Variants in EXOC2 observed in about 807,000 individuals in gnomAD.
EXOC2 encodes the protein exocyst complex component 2.
Under a neutral mutation model 131.8 loss-of-function variants are expected in EXOC2, and 70 were observed. The observed-to-expected ratio is 0.53, with a 90% CI of 0.44 to 0.65. EXOC2 has a LOEUF of 0.65. Among genes scored for constraint, EXOC2 ranks in the 30% least tolerant of loss-of-function variants. The pLI, the probability that EXOC2 is intolerant of heterozygous loss-of-function variation, is 0.00. For synonymous variants in EXOC2, 411 were observed against 398.4 expected, an observed-to-expected ratio of 1.03 and a Z score of -0.38; for missense variants, 923 against 1,108.6, an observed-to-expected ratio of 0.83 and a Z score of 2.38.
chr6:587,620 C>T (rs972759005), intron 11 of EXOC2, among the ~76,000 whole-genome samples: 7 of 152,146 alleles, frequency 4.6e-5, no homozygotes, highest in South Asian at 2.1e-4. Flanking sequence ...AGAAAAACAC[C>T]GACATGCAAA....
chr6:499,845 T>C lies in EXOC2; in HGVS notation c.2381-145A>G, dbSNP rs548139614. 1.9e-4 allele frequency: 118 copies of C among 637,088 alleles called. 1 individual carries two copies. The East Asian group carries it at 3.1e-3, about 17-fold the overall frequency. 39.5% of individuals were successfully genotyped at this position (637,088 alleles called of 1,614,324 possible). A position where few individuals can be genotyped will look rare whatever the true frequency, so the allele number is the denominator to read the frequency against. On this transcript the variant is annotated intron_variant, in intron 23 of 27. Coordinates refer to ENST00000230449, the MANE Select transcript of EXOC2 (RefSeq NM_018303.6). ...CCACTATTTCCTTTTGAGAATCAAA[T>C]GGTGAAAGGAGTATTTCCATACAGG...
chr6:523,349 C>T (rs1176358742), intron 23 of EXOC2, among the ~76,000 whole-genome samples: 3 of 152,240 alleles, frequency 2.0e-5, no homozygotes, highest in East Asian at 1.9e-4. Context: ...CCACCTCCTA[C>T]GCACAGAACT....
intron 17 of EXOC2, among the ~76,000 whole-genome samples, chr6:558,154 G>A (rs1757522068): frequency 1.3e-5 from 2 of 152,136 alleles, no homozygotes; most frequent in Admixed American, 1.3e-4. Context: ...AAGAAAGGAA[G>A]TGACATCTAT....
chr6:501,740 T>C (rs1489054595), intron 23 of EXOC2, among the ~76,000 whole-genome samples: 1 of 142,310 alleles, frequency 7.0e-6, no homozygotes, highest in African/African-American at 2.6e-5. Context: ...GTATATATAT[T>C]GGCTCCTCAA....
At chr6:565,531 G>A (rs1187785237) in intron 13 of EXOC2, among the ~76,000 whole-genome samples, 1 of 152,072 alleles carries the variant, frequency 6.6e-6, no homozygotes, top group African/African-American at 2.4e-5. Context: ...TGTTCAGTTG[G>A]ATTTCAGAGA....
chr6:488,225 T>G (rs1002667279), intron 27 of EXOC2, among the ~76,000 whole-genome samples: 3 of 152,200 alleles, frequency 2.0e-5, no homozygotes, highest in Non-Finnish European at 2.9e-5. Context: ...GCCTATGTGA[T>G]CTCTCTGCCC....
chr6:488,324 G>A lies in EXOC2; in HGVS notation c.2681+655C>T, dbSNP rs568786210. Reference sequence around the variant, plus strand: ...CTATGGGCCCGGCAGCCACGTGCAGGGCGGGTGGTGAAGGAATGAAGACTG... The same window carrying A: ...CTATGGGCCCGGCAGCCACGTGCAGAGCGGGTGGTGAAGGAATGAAGACTG... On this transcript the variant is annotated intron_variant, in intron 27 of 27. Coordinates refer to ENST00000230449, the MANE Select transcript of EXOC2 (RefSeq NM_018303.6). Among the ~76,000 whole-genome samples, 92 of 152,368 alleles carry A rather than the reference G, an allele frequency of 6.0e-4. 2 individuals are homozygous for A. Among genetic ancestry groups the A allele is most frequent in the South Asian group, 3.7e-3 (18 of 4,830 alleles).
Position 673,708 on chromosome 6 carries a change from T to C in EXOC2, c.-44+19311A>G, listed in dbSNP as rs1763981503. Among the ~76,000 whole-genome samples, 3 of 152,184 alleles carry C rather than the reference T, an allele frequency of 2.0e-5. No individual in the cohort carries two copies. In the South Asian group the frequency reaches 6.2e-4, roughly 32 times the overall value. ...TCAAAACTCAAAAAATATATAACTTTTTACTATTTTGGCAGGGATCTCTCT... is the reference window on the plus strand; with the variant it reads ...TCAAAACTCAAAAAATATATAACTTCTTACTATTTTGGCAGGGATCTCTCT... On this transcript the variant is annotated intron_variant, in intron 1 of 27. Transcript: ENST00000230449.
At chr6:657,985 T>C (rs1391244306) in intron 1 of EXOC2, among the ~76,000 whole-genome samples, 2 of 152,238 alleles carry the variant, frequency 1.3e-5, no homozygotes, top group African/African-American at 2.4e-5. Context: ...AGTATTTTCA[T>C]GTCAAACCTA....
At chr6:488,623 GTCT>G (rs143242094) in intron 27 of EXOC2, among the ~76,000 whole-genome samples, 5,975 of 151,942 alleles carry the variant, frequency 0.039, 153 homozygotes, top group Middle Eastern at 0.14. Context: ...TTACTATGCT[GTCT>G]TCTTTTTTCC....
chr6:495,054 A>ATT (rs11335528), intron 25 of EXOC2, among the ~76,000 whole-genome samples: 3 of 141,532 alleles, frequency 2.1e-5, no homozygotes, highest in African/African-American at 7.9e-5. Context: ...AATTAAAACA[A>ATT]TTTTTTTTTT....
At chr6:625,967 C>A (rs1204915171) in intron 4 of EXOC2, among the ~76,000 whole-genome samples, 1 of 152,154 alleles carries the variant, frequency 6.6e-6, no homozygotes, top group Non-Finnish European at 1.5e-5. Flanking sequence ...TCTTGTTAGG[C>A]AATTGAGTAT....
At chr6:509,801 C>T (rs546683369) in intron 23 of EXOC2, among the ~76,000 whole-genome samples, 6 of 152,204 alleles carry the variant, frequency 3.9e-5, no homozygotes, top group Admixed American at 1.3e-4. Flanking sequence ...GGTACTCGGC[C>T]TAATGTTGTT....
At chr6:555,815 T>C in intron 19 of EXOC2, 139 bp downstream of exon 19, 1 of 834,948 alleles carries the variant, frequency 1.2e-6, no homozygotes, top group Non-Finnish European at 1.8e-6. Context: ...CCCACTTACC[T>C]TAAACTATTA....
rs1471454687 is a variant in EXOC2, at chr6:532,511, A to T, written c.2338T>A (p.Tyr780Asn). ...PIVGSLEPGI[Y>N]AGYFDWKDCL... ...TCCTTCCAATCAAAATATCCTGCATAAATTCCAGGTTCTAAGGAGCCAACG... is the reference window on the plus strand; with the variant it reads ...TCCTTCCAATCAAAATATCCTGCATTAATTCCAGGTTCTAAGGAGCCAACG... Residue 780 changes from tyrosine (Y) to asparagine (N), a missense_variant, in exon 23 of 28, where the codon TAT becomes AAT. Physicochemically the swap from Tyr to Asn is moderately radical, Grantham distance 143. Coordinates refer to ENST00000230449, the MANE Select transcript of EXOC2 (RefSeq NM_018303.6). 6.2e-7 allele frequency: 1 copy of T among 1,606,856 alleles called. No individual in the cohort carries two copies. The highest frequency in any genetic ancestry group is 1.3e-5 in the African/African-American group (1 of 74,508).
chr6:543,715 G>C (rs974204567), intron 22 of EXOC2, among the ~76,000 whole-genome samples: 1 of 152,024 alleles, frequency 6.6e-6, no homozygotes, highest in Non-Finnish European at 1.5e-5. Context: ...AAATAAAACA[G>C]AAAAAAAGGA....
chr6:618,589 T>C (rs533757259), intron 5 of EXOC2, among the ~76,000 whole-genome samples: 4 of 152,336 alleles, frequency 2.6e-5, no homozygotes, highest in East Asian at 1.9e-4. Flanking sequence ...AAAAAATTCA[T>C]CTTGGACATT....
At chr6:617,240 A>G (rs1364393929) in intron 6 of EXOC2, among the ~76,000 whole-genome samples, 2 of 152,200 alleles carry the variant, frequency 1.3e-5, no homozygotes, top group African/African-American at 4.8e-5. Flanking sequence ...TGACATCTGT[A>G]CTCCATACAA....
intron 23 of EXOC2, among the ~76,000 whole-genome samples, chr6:508,922 A>C (rs1034197058): frequency 6.6e-6 from 1 of 152,242 alleles, no homozygotes; most frequent in African/African-American, 2.4e-5. Flanking sequence ...GGTGCTCCAC[A>C]TGCTCACCAG....
Sources: allele counts gnomAD v4.1 joint callset (sites outside exome capture counted in the v4.1 genomes callset), GRCh38; gene constraint gnomAD v4.1.1; transcripts MANE v1.5; gene names NCBI Gene and HGNC (gene_info 2026-07-23, HGNC 2026-07-21).